AMD1: variants seen among roughly 807,000 people sequenced by gnomAD.
AMD1 encodes the protein adenosylmethionine decarboxylase 1.
AMD1 carries 11 observed loss-of-function variants against 40.2 expected under a neutral mutation model. The observed-to-expected ratio is 0.27, with a 90% CI of 0.17 to 0.45. AMD1 has a LOEUF of 0.45. AMD1 is among the 20% of genes least tolerant of loss of function. The pLI, the probability that AMD1 is intolerant of heterozygous loss-of-function variation, is 1.00. For missense variants in AMD1, 257 were observed against 410.2 expected, an observed-to-expected ratio of 0.63 and a Z score of 3.23; for synonymous variants, 121 against 130.8, an observed-to-expected ratio of 0.93 and a Z score of 0.51.
chr6:110,875,965 A>G (rs900670043), intron 1 of AMD1, among the ~76,000 whole-genome samples: 1 of 152,046 alleles, frequency 6.6e-6, no homozygotes, highest in Admixed American at 6.5e-5. Context: ...CTGCTCCCCA[A>G]TCTCTTGACC....
intron 5 of AMD1, 46 bp downstream of exon 5, chr6:110,892,249 T>G (rs565878829): frequency 6.2e-7 from 1 of 1,613,742 alleles, no homozygotes; most frequent in African/African-American, 1.3e-5. Flanking sequence ...CTATGTAAGA[T>G]TTAAACTGCC....
the AMD1 span, among the ~76,000 whole-genome samples, chr6:110,845,199 C>T: frequency 2.6e-5 from 4 of 152,046 alleles, no homozygotes; most frequent in African/African-American, 4.8e-5. Context: ...CCACCACGCC[C>T]GGCTAATTTT....
chr6:110,850,073 A>G, the AMD1 span, among the ~76,000 whole-genome samples: 3 of 152,162 alleles, frequency 2.0e-5, no homozygotes, highest in Admixed American at 2.0e-4. Flanking sequence ...CTCAGTTCAA[A>G]GAATAGAGAC....
chr6:110,855,730 G>C, the AMD1 span, among the ~76,000 whole-genome samples: 1 of 152,120 alleles, frequency 6.6e-6, no homozygotes, highest in Non-Finnish European at 1.5e-5. Flanking sequence ...TTTAAAAACT[G>C]TTCCATCAGG....
At chr6:110,847,433 G>C in the AMD1 span, among the ~76,000 whole-genome samples, 1 of 151,606 alleles carries the variant, frequency 6.6e-6, no homozygotes, top group Non-Finnish European at 1.5e-5. Context: ...GCTGAGGCAG[G>C]AGAATGGCGT....
the AMD1 span, among the ~76,000 whole-genome samples, chr6:110,851,899 A>C: frequency 6.6e-6 from 1 of 152,218 alleles, no homozygotes; most frequent in South Asian, 2.1e-4. Flanking sequence ...TAGACACAGA[A>C]TAGTGAATGA....
the AMD1 span, among the ~76,000 whole-genome samples, chr6:110,833,027 G>A: frequency 6.6e-6 from 1 of 152,036 alleles, no homozygotes; most frequent in Non-Finnish European, 1.5e-5. Flanking sequence ...CGCCATGTTG[G>A]CCAGGCTGGT....
chr6:110,833,223 C>A, the AMD1 span, among the ~76,000 whole-genome samples: 4 of 152,180 alleles, frequency 2.6e-5, no homozygotes, highest in African/African-American at 7.2e-5. Context: ...GTTTACAGTA[C>A]TCCATAGACA....
At chr6:110,840,519 C>T in the AMD1 span, among the ~76,000 whole-genome samples, 1 of 152,070 alleles carries the variant, frequency 6.6e-6, no homozygotes, top group Non-Finnish European at 1.5e-5. Context: ...CCAAAAGATA[C>T]AGATGAAGAG....
chr6:110,814,960 G>T, the AMD1 span: 113 of 1,595,010 alleles, frequency 7.1e-5, no homozygotes, highest in African/African-American at 8.3e-5. Flanking sequence ...CCAGGTCGCG[G>T]GCAGGGCGAG....
the AMD1 span, among the ~76,000 whole-genome samples, chr6:110,864,632 C>T: frequency 3.3e-5 from 5 of 152,114 alleles, no homozygotes; most frequent in Non-Finnish European, 5.9e-5. Flanking sequence ...TTGGTGGAAC[C>T]CCAATCATGG....
At chr6:110,850,641 G>A in the AMD1 span, among the ~76,000 whole-genome samples, 1 of 152,154 alleles carries the variant, frequency 6.6e-6, no homozygotes, top group African/African-American at 2.4e-5. Context: ...AGGAACCTAG[G>A]AAATTTGTGG....
At chr6:110,862,759 T>G in the AMD1 span, among the ~76,000 whole-genome samples, 1 of 151,276 alleles carries the variant, frequency 6.6e-6, no homozygotes, top group Admixed American at 6.6e-5. Context: ...CGTGAGCCAC[T>G]GCACTCGGCC....
At chr6:110,883,923 A>G (rs1785546386) in intron 1 of AMD1, among the ~76,000 whole-genome samples, 1 of 152,182 alleles carries the variant, frequency 6.6e-6, no homozygotes, top group South Asian at 2.1e-4. Context: ...TGGATGAAGA[A>G]GAGTCCTTCC....
At chr6:110,817,045 G>A in the AMD1 span, among the ~76,000 whole-genome samples, 1 of 152,212 alleles carries the variant, frequency 6.6e-6, no homozygotes, top group Non-Finnish European at 1.5e-5. Flanking sequence ...ACCAGCTGAA[G>A]AACCTAAGAG....
intron 1 of AMD1, among the ~76,000 whole-genome samples, chr6:110,886,122 G>A (rs1450109162): frequency 6.6e-6 from 1 of 151,776 alleles, no homozygotes; most frequent in African/African-American, 2.4e-5. Context: ...AGGTGTGGTG[G>A]CACGTGCCTG....
the AMD1 span, among the ~76,000 whole-genome samples, chr6:110,853,311 TG>T: frequency 5.8e-5 from 8 of 138,488 alleles, no homozygotes; most frequent in East Asian, 2.5e-3. Context: ...GTGGGTTTTT[TG>T]TTTTTTTTTT....
At chr6:110,857,801 A>G in the AMD1 span, among the ~76,000 whole-genome samples, 2 of 148,622 alleles carry the variant, frequency 1.3e-5, no homozygotes, top group African/African-American at 4.9e-5. Flanking sequence ...GTATATATAT[A>G]TAGATGGTAT....
chr6:110,871,785 AG>A (rs945610539), upstream of AMD1, among the ~76,000 whole-genome samples: 1 of 152,202 alleles, frequency 6.6e-6, no homozygotes, highest in African/African-American at 2.4e-5. Flanking sequence ...AGTGTCTCAA[AG>A]GTTTGAAATT....
Sources: allele counts gnomAD v4.1 joint callset (sites outside exome capture counted in the v4.1 genomes callset), GRCh38; gene constraint gnomAD v4.1.1; transcripts MANE v1.5; gene names NCBI Gene and HGNC (gene_info 2026-07-23, HGNC 2026-07-21).